The following CELF4 variants were observed in gnomAD, a reference collection of about 807,000 sequenced individuals.
CELF4 encodes the protein CUG-BP- and ETR-3-like factor 4.
CELF4 carries 18 observed loss-of-function variants against 59.9 expected under a neutral mutation model. The ratio of observed to expected loss-of-function variants is 0.30; its 90% confidence interval spans 0.21 to 0.45. The LOEUF is 0.45. CELF4 is among the 20% of genes least tolerant of loss of function. The pLI, the probability that CELF4 is intolerant of heterozygous loss-of-function variation, is 1.00. For synonymous variants in CELF4, 261 were observed against 267.1 expected (o/e 0.98, Z 0.22); for missense variants, 456 against 689.0 (o/e 0.66, Z 3.79).
At chr18:37,429,416 G>C (rs1304354311) in intron 2 of CELF4, among the ~76,000 whole-genome samples, 1 of 139,994 alleles carries the variant, frequency 7.1e-6, no homozygotes, top group African/African-American at 3.3e-5. Flanking sequence ...CTGTGTCTGT[G>C]TGTGTCTATA....
At chr18:37,270,665 G>A (rs1488631403) in intron 8 of CELF4, 103 bp downstream of exon 8, 1 of 1,377,654 alleles carries the variant, frequency 7.3e-7, no homozygotes. Flanking sequence ...ATCAAGGAAT[G>A]GACAGAGGGC....
chr18:37,352,537 G>A (rs2098463033), intron 2 of CELF4, among the ~76,000 whole-genome samples: 2 of 151,622 alleles, frequency 1.3e-5, no homozygotes, highest in South Asian at 4.2e-4. Flanking sequence ...AGACTGCAGT[G>A]AGCTATGATT....
At chr18:37,316,609 G>T (rs920349281) in intron 3 of CELF4, among the ~76,000 whole-genome samples, 15 of 152,088 alleles carry the variant, frequency 9.9e-5, no homozygotes, top group Middle Eastern at 3.4e-3. Context: ...TTTTAACTTT[G>T]TGTCCTCACT....
At position 37,408,504 on chromosome 18, in the gene CELF4, C is replaced by T. The variant is rs2155955; in HGVS notation, c.369+77021G>A. On this transcript the variant is annotated intron_variant, in intron 2 of 12. Transcript: ENST00000420428. ...CTTTGGTTGGTGCCGGGGGGGGGCG[C>T]GGTGCAGGAGGATGTGAGAGGAGGA... is the stretch of plus-strand genomic sequence containing the variant. 4.9e-4 allele frequency among the ~76,000 whole-genome samples: 22 copies of T among 45,034 alleles called. 1 individual carries two copies. Among genetic ancestry groups the T allele is most frequent in the East Asian group, 1.3e-3 (1 of 746 alleles). 29.5% of individuals were successfully genotyped at this position (45,034 alleles called of 152,430 possible). A position where few individuals can be genotyped will look rare whatever the true frequency, so the allele number is the denominator to read the frequency against.
chr18:37,422,283 C>T (rs879090359), intron 2 of CELF4, among the ~76,000 whole-genome samples: 1 of 152,204 alleles, frequency 6.6e-6, no homozygotes, highest in Admixed American at 6.5e-5. Context: ...ACTATGATGG[C>T]CAGTCAGGGG....
intron 2 of CELF4, among the ~76,000 whole-genome samples, chr18:37,335,818 C>T (rs1444989208): frequency 6.6e-6 from 1 of 152,184 alleles, no homozygotes; most frequent in East Asian, 1.9e-4. Context: ...TCTCCACCGC[C>T]ATCCTCTCCC....
chr18:37,519,114 C>T lies in CELF4; in HGVS notation c.287-33507G>A, dbSNP rs1458673329. ...AGCCCACAGACAGATGGGCAGCCTCCAAGGGCCTGGCCACAGCTGGGAATG... is the reference window on the plus strand; with the variant it reads ...AGCCCACAGACAGATGGGCAGCCTCTAAGGGCCTGGCCACAGCTGGGAATG... On this transcript the variant is annotated intron_variant, in intron 1 of 12. Transcript: ENST00000420428. Among the ~76,000 whole-genome samples the T allele has an allele frequency of 2.1e-5, 3 of 146,306 alleles. No homozygotes were observed. In the East Asian group the frequency reaches 6.3e-4, roughly 31 times the overall value.
At chr18:37,349,285 G>A (rs1316755648) in intron 2 of CELF4, among the ~76,000 whole-genome samples, 1 of 152,204 alleles carries the variant, frequency 6.6e-6, no homozygotes, top group Non-Finnish European at 1.5e-5. Context: ...CTATCTGTGG[G>A]TATCTGTTTA....
At chr18:37,508,105 C>T (rs754234542) in intron 1 of CELF4, among the ~76,000 whole-genome samples, 1 of 152,234 alleles carries the variant, frequency 6.6e-6, no homozygotes, top group Non-Finnish European at 1.5e-5. Flanking sequence ...CCAGGCACCT[C>T]TGGGCCTCTC....
intron 1 of CELF4, among the ~76,000 whole-genome samples, chr18:37,502,845 G>A (rs893811658): frequency 2.0e-5 from 3 of 152,188 alleles, no homozygotes; most frequent in African/African-American, 7.2e-5. Context: ...AGCCCTCTAG[G>A]TAGCGCTGAT....
At chr18:37,380,415 C>T (rs1018058720) in intron 2 of CELF4, among the ~76,000 whole-genome samples, 8 of 152,190 alleles carry the variant, frequency 5.3e-5, no homozygotes, top group African/African-American at 9.6e-5. Context: ...TGCCCACTCA[C>T]GTCCTTCTCT....
At chr18:37,367,572 T>C (rs868670705) in intron 2 of CELF4, among the ~76,000 whole-genome samples, 2 of 152,070 alleles carry the variant, frequency 1.3e-5, no homozygotes, top group Non-Finnish European at 1.5e-5. Flanking sequence ...TGAGATCTGG[T>C]GTTGGGTGCC....
intron 2 of CELF4, among the ~76,000 whole-genome samples, chr18:37,385,866 G>A (rs2099093813): frequency 6.6e-6 from 1 of 152,180 alleles, no homozygotes; most frequent in Non-Finnish European, 1.5e-5. Context: ...ACTTTCATCA[G>A]TTAACACATT....
At chr18:37,544,425 C>T (rs2099979935) in intron 1 of CELF4, among the ~76,000 whole-genome samples, 1 of 152,172 alleles carries the variant, frequency 6.6e-6, no homozygotes, top group Non-Finnish European at 1.5e-5. Context: ...TTCAAAGCCT[C>T]CACTCCCCAC....
rs1266181179 is a variant in CELF4, at chr18:37,254,366, C to G, written c.1334-428G>C. On this transcript the variant is annotated intron_variant, in intron 11 of 12. Coordinates refer to ENST00000420428, the MANE Select transcript of CELF4 (RefSeq NM_020180.4). This position sits in a 1 kb window ranked among gnomAD's most constrained non-coding sequence, Gnocchi z 5.1. Reference sequence around the variant, plus strand: ...TGACAGGAGGGGGCCTGGCAGCGCGCGGGCACAGGGTGCCGGCCTGGGGAG... The same window carrying G: ...TGACAGGAGGGGGCCTGGCAGCGCGGGGGCACAGGGTGCCGGCCTGGGGAG... Among the ~76,000 whole-genome samples, 1 of 151,908 alleles carries G rather than the reference C, an allele frequency of 6.6e-6. No individual in the cohort carries two copies. The highest frequency in any genetic ancestry group is 2.4e-5 in the African/African-American group (1 of 41,404).
chr18:37,339,077 G>A (rs904823721), intron 2 of CELF4, among the ~76,000 whole-genome samples: 8 of 152,162 alleles, frequency 5.3e-5, no homozygotes, highest in Non-Finnish European at 8.8e-5. Context: ...CACAGGAGGC[G>A]CAGCCCAATT....
chr18:37,429,477 C>T lies in CELF4; in HGVS notation c.369+56048G>A, dbSNP rs2099634885. On this transcript the variant is annotated intron_variant, in intron 2 of 12. Coordinates refer to ENST00000420428, the MANE Select transcript of CELF4 (RefSeq NM_020180.4). ...AGTGTGTATGTGTGCCTATGTGTGC[C>T]AGCGTCTTTGAATACCTGTGTGTTT... 2.0e-5 allele frequency among the ~76,000 whole-genome samples: 3 copies of T among 152,064 alleles called. No individual in the cohort carries two copies. The South Asian group carries it at 6.2e-4, about 32-fold the overall frequency.
At chr18:37,459,378 C>A (rs985232344) in intron 2 of CELF4, among the ~76,000 whole-genome samples, 4 of 152,166 alleles carry the variant, frequency 2.6e-5, no homozygotes, top group Admixed American at 1.3e-4. Flanking sequence ...TCTCTCATCT[C>A]TTTTGCTCAG....
At chr18:37,561,225 T>C (rs1196470649) in intron 1 of CELF4, among the ~76,000 whole-genome samples, 1 of 152,158 alleles carries the variant, frequency 6.6e-6, no homozygotes, top group African/African-American at 2.4e-5. Flanking sequence ...TCCATGTAGC[T>C]GAGAAAATCT....
Sources: allele counts gnomAD v4.1 joint callset (sites outside exome capture counted in the v4.1 genomes callset), GRCh38; gene constraint gnomAD v4.1.1; non-coding constraint Gnocchi (gnomAD v3.1); transcripts MANE v1.5; gene names NCBI Gene and HGNC (gene_info 2026-07-23, HGNC 2026-07-21).